The following FBN2 variants were observed in gnomAD, a reference collection of about 807,000 sequenced individuals.
FBN2 encodes the protein fibrillin-2.
FBN2 carries 105 observed loss-of-function variants against 355.6 expected under a neutral mutation model. The ratio of observed to expected loss-of-function variants is 0.30; its 90% confidence interval spans 0.25 to 0.35. The LOEUF (loss-of-function observed/expected upper bound fraction) is 0.35. Among genes scored for constraint, FBN2 ranks in the 10% least tolerant of loss-of-function variants. The probability of loss-of-function intolerance (pLI) is 1.00; values close to 1 mark genes in which losing one functional copy is unlikely to be tolerated. For missense variants in FBN2, 3,280 were observed against 3,758.7 expected (o/e 0.87, Z 3.33); for synonymous variants, 1,350 against 1,301.2 (o/e 1.04, Z -0.81).
chr5:128,374,765 A>T lies in FBN2; in HGVS notation c.1973-15T>A. 6.2e-7 allele frequency: 1 copy of T among 1,613,744 alleles called. No homozygotes were observed. Among genetic ancestry groups the T allele is most frequent in the Non-Finnish European group, 8.5e-7 (1 of 1,179,802 alleles). On this transcript the variant is annotated splice_polypyrimidine_tract_variant and intron_variant, in intron 14 of 64. Transcript: ENST00000262464. Reference sequence around the variant, plus strand: ...TTCATCAACATCTGTGCAGTGGGTGACAGAAGCCAAGCAGTTACTGGGTAA... The same window carrying T: ...TTCATCAACATCTGTGCAGTGGGTGTCAGAAGCCAAGCAGTTACTGGGTAA...
chr5:128,288,573 A>G lies in FBN2; in HGVS notation c.6638-16T>C. On this transcript the variant is annotated splice_polypyrimidine_tract_variant and intron_variant, in intron 52 of 64. Transcript: ENST00000262464. ...TCATCAGTATCTGAAAAAGAAGAATAAGAAACTGCCACAAAGATGTTTTAG... is the reference window on the plus strand; with the variant it reads ...TCATCAGTATCTGAAAAAGAAGAATGAGAAACTGCCACAAAGATGTTTTAG... 3.7e-6 allele frequency: 6 copies of G among 1,612,568 alleles called. No homozygotes were observed. Among genetic ancestry groups the G allele is most frequent in the Non-Finnish European group, 5.1e-6 (6 of 1,179,830 alleles).
At chr5:128,402,047 T>G (rs1185673802) in intron 8 of FBN2, among the ~76,000 whole-genome samples, 1 of 151,660 alleles carries the variant, frequency 6.6e-6, no homozygotes, top group Non-Finnish European at 1.5e-5. Flanking sequence ...CATCTCACAG[T>G]TAAGGTCTCC....
chr5:128,500,726 G>A (rs964321766), intron 5 of FBN2, among the ~76,000 whole-genome samples: 7 of 152,102 alleles, frequency 4.6e-5, no homozygotes, highest in African/African-American at 1.7e-4. Context: ...TTACAGGCGT[G>A]AGCCATCGCG....
chr5:128,451,981 A>G (rs957455152), intron 6 of FBN2, among the ~76,000 whole-genome samples: 1 of 152,170 alleles, frequency 6.6e-6, no homozygotes, highest in Non-Finnish European at 1.5e-5. Flanking sequence ...CGAAACCCTT[A>G]TTTTTGAAGT....
rs559492183 is a variant in FBN2, at chr5:128,280,108, A to G, written c.7138+84T>C. 4.4e-6 allele frequency: 5 copies of G among 1,128,606 alleles called. No individual in the cohort carries two copies. The African/African-American group carries it at 7.6e-5, about 17-fold the overall frequency. 69.9% of individuals were successfully genotyped at this position (1,128,606 alleles called of 1,614,324 possible). A position where few individuals can be genotyped will look rare whatever the true frequency, so the allele number is the denominator to read the frequency against. ...TTGGGGGATTTGTTTAGCAGACAAGAATATATATGTGGAGCTCTTCTGTGA... is the reference window on the plus strand; with the variant it reads ...TTGGGGGATTTGTTTAGCAGACAAGGATATATATGTGGAGCTCTTCTGTGA... On this transcript the variant is annotated intron_variant, in intron 56 of 64. Coordinates refer to ENST00000262464, the MANE Select transcript of FBN2 (RefSeq NM_001999.4).
chr5:128,267,371 G>T (rs1205645132), intron 62 of FBN2, among the ~76,000 whole-genome samples: 1 of 152,086 alleles, frequency 6.6e-6, no homozygotes, highest in African/African-American at 2.4e-5. Flanking sequence ...GGTATTTCTG[G>T]TTCTAGATCC....
rs554379689 is a variant in FBN2 at position 128,531,741 on chromosome 5, T to C, written c.338-1048A>G. Reference sequence around the variant, plus strand: ...ATGTGTGTATATATATATATATATATACACACACATATTTACTGGCTTTAA... The same window carrying C: ...ATGTGTGTATATATATATATATATACACACACACATATTTACTGGCTTTAA... On this transcript the variant is annotated intron_variant, in intron 2 of 64. Coordinates refer to ENST00000262464, the MANE Select transcript of FBN2 (RefSeq NM_001999.4). 2.6e-3 allele frequency among the ~76,000 whole-genome samples: 396 copies of C among 149,912 alleles called. 2 individuals carry two copies. The highest frequency in any genetic ancestry group is 0.016 in the South Asian group (75 of 4,786).
chr5:128,448,980 G>T (rs1754149490), intron 6 of FBN2, among the ~76,000 whole-genome samples: 1 of 151,784 alleles, frequency 6.6e-6, no homozygotes, highest in Non-Finnish European at 1.5e-5. Context: ...CATTAATAAA[G>T]AATTTTTGGA....
Position 128,277,080 on chromosome 5 carries a change from T to G in FBN2, c.7471+800A>C, listed in dbSNP as rs149117116. On this transcript the variant is annotated intron_variant, in intron 58 of 64. Transcript: ENST00000262464. ...GGCCTATTCTCTATTACTCATGCTC[T>G]TCTGTTTCAAAGAAGTCAGTTGGGT... 9.2e-5 allele frequency among the ~76,000 whole-genome samples: 14 copies of G among 152,338 alleles called. No individual in the cohort carries two copies. In the East Asian group the frequency reaches 2.7e-3, roughly 29 times the overall value.
At chr5:128,323,508 C>A (rs1229677416) in intron 34 of FBN2, among the ~76,000 whole-genome samples, 1 of 152,072 alleles carries the variant, frequency 6.6e-6, no homozygotes, top group African/African-American at 2.4e-5. Flanking sequence ...TTATCAAAGG[C>A]CTAGTTTTAT....
intron 2 of FBN2, among the ~76,000 whole-genome samples, chr5:128,534,039 T>C (rs1756782890): frequency 6.6e-6 from 1 of 152,208 alleles, no homozygotes; most frequent in South Asian, 2.1e-4. Flanking sequence ...TTCTTTTTAA[T>C]ATCTTCTCCT....
At position 128,436,673 on chromosome 5, in the gene FBN2, A is replaced by C. The variant is rs563623052; in HGVS notation, c.952+9808T>G. Among the ~76,000 whole-genome samples the C allele has an allele frequency of 8.6e-5, 13 of 151,420 alleles. No homozygotes were observed. The East Asian group carries it at 2.5e-3, about 29-fold the overall frequency. ...AAACCCAGTGGCTCCACTTAAAAAA[A>C]AAAAAAAAGAAAAAAAAGTATGGAA... On this transcript the variant is annotated intron_variant, in intron 7 of 64. Coordinates refer to ENST00000262464, the MANE Select transcript of FBN2 (RefSeq NM_001999.4).
intron 6 of FBN2, among the ~76,000 whole-genome samples, chr5:128,449,182 A>G (rs1754154521): frequency 6.6e-6 from 1 of 151,028 alleles, no homozygotes; most frequent in Admixed American, 6.6e-5. Context: ...TTTGGATGTT[A>G]TAACACATAG....
intron 34 of FBN2, among the ~76,000 whole-genome samples, chr5:128,323,625 A>G (rs1750453800): frequency 6.6e-6 from 1 of 152,258 alleles, no homozygotes; most frequent in Admixed American, 6.5e-5. Context: ...CCGGCCTTGC[A>G]TCCCAGGGAT....
intron 5 of FBN2, among the ~76,000 whole-genome samples, chr5:128,498,527 T>C (rs576512304): frequency 1.3e-5 from 2 of 152,054 alleles, no homozygotes; most frequent in African/African-American, 4.8e-5. Context: ...TGTCTTTTTA[T>C]CAAACGACTC....
At chr5:128,485,508 T>C (rs1041339826) in intron 5 of FBN2, among the ~76,000 whole-genome samples, 1 of 152,136 alleles carries the variant, frequency 6.6e-6, no homozygotes, top group Non-Finnish European at 1.5e-5. Context: ...CCTAATATGT[T>C]TGAACAAGGG....
chr5:128,481,758 C>T (rs528493390), intron 5 of FBN2, among the ~76,000 whole-genome samples: 7 of 152,012 alleles, frequency 4.6e-5, no homozygotes, highest in Non-Finnish European at 8.8e-5. Context: ...CAAAAAAATA[C>T]TAGAAAATTT....
intron 24 of FBN2, 38 bp downstream of exon 24, chr5:128,345,319 G>T: frequency 2.7e-6 from 4 of 1,492,046 alleles, no homozygotes; most frequent in Non-Finnish European, 3.7e-6. Context: ...GCTTCCTGTT[G>T]GTGAAGAAGG....
At chr5:128,314,039 C>T (rs1750135314) in intron 36 of FBN2, among the ~76,000 whole-genome samples, 2 of 151,800 alleles carry the variant, frequency 1.3e-5, no homozygotes, top group African/African-American at 2.4e-5. Flanking sequence ...AAACTATGGT[C>T]TACTTTACCT....
Sources: gnomAD v4.1 joint callset for allele counts (sites outside exome capture counted in the v4.1 genomes callset) on GRCh38, gnomAD v4.1.1 for gene constraint, MANE v1.5 for transcripts, NCBI Gene and HGNC (gene_info 2026-07-23, HGNC 2026-07-21) for gene names.